ERAP1: variants seen among roughly 807,000 people sequenced by gnomAD.
The protein encoded by ERAP1 is endoplasmic reticulum aminopeptidase 1, also known as adipocyte-derived leucine aminopeptidase.
ERAP1 carries 86 observed loss-of-function variants against 103.7 expected under a neutral mutation model. The observed-to-expected ratio is 0.83, with a 90% CI of 0.70 to 0.99. The LOEUF (loss-of-function observed/expected upper bound fraction) is 0.99. Among genes scored for constraint, ERAP1 ranks in the 50% least tolerant of loss-of-function variants. ERAP1 has a pLI of 0.00. For missense variants in ERAP1, 1,009 were observed against 1,128.4 expected (o/e 0.89, Z 1.52); for synonymous variants, 398 against 402.4 (o/e 0.99, Z 0.13).
intron 19 of ERAP1, chr5:96,768,418 A>C (rs1254390774): frequency 2.2e-6 from 1 of 456,894 alleles, no homozygotes; most frequent in African/African-American, 2.0e-5. Context: ...GAATCAAACG[A>C]TGATATAGAG....
In ERAP1 at chr5:96,781,970, G is replaced by T. The variant is rs1438987127; in HGVS notation, c.2286-116C>A. On this transcript the variant is annotated intron_variant, in intron 15 of 18. Transcript: ENST00000443439. ...CCCCATGATCAGAGAAGCATGCCTG[G>T]AAATATAAACAAAAACTACTGATTT... The T allele has an allele frequency of 5.0e-6, 5 of 997,332 alleles. No individual in the cohort carries two copies. In the East Asian group the frequency reaches 1.0e-4, roughly 20 times the overall value. The allele number at this position is 997,332 out of a possible 1,614,324, so 61.8% of individuals were successfully genotyped here.
chr5:96,879,601 T>C, the ERAP1 span: 1 of 1,039,794 alleles, frequency 9.6e-7, no homozygotes, highest in East Asian at 2.4e-5. Flanking sequence ...TCAGACCCCA[T>C]GTGACATAAC....
chr5:96,785,774 G>A lies in ERAP1; in HGVS notation c.1943+14C>T, dbSNP rs374639900. The A allele has an allele frequency of 5.6e-6, 9 of 1,613,506 alleles. No individual in the cohort carries two copies. Among genetic ancestry groups the A allele is most frequent in the Non-Finnish European group, 7.6e-6 (9 of 1,179,554 alleles). On this transcript the variant is annotated intron_variant, in intron 13 of 18. Coordinates refer to ENST00000443439, the MANE Select transcript of ERAP1 (RefSeq NM_001040458.3). Reference sequence around the variant, plus strand: ...TTTCAGAAATAAACCGCGACTTTGTGCAGCGTGTATTACCTGACGAGCTGA... The same window carrying A: ...TTTCAGAAATAAACCGCGACTTTGTACAGCGTGTATTACCTGACGAGCTGA...
the ERAP1 span, among the ~76,000 whole-genome samples, chr5:96,926,802 T>C: frequency 1.3e-5 from 2 of 152,208 alleles, no homozygotes; most frequent in Non-Finnish European, 2.9e-5. Context: ...TGAACATTCA[T>C]CTACCATTTT....
At chr5:96,860,242 C>T in the ERAP1 span, among the ~76,000 whole-genome samples, 10 of 152,008 alleles carry the variant, frequency 6.6e-5, no homozygotes, top group African/African-American at 2.2e-4. Flanking sequence ...TTGGTACAGA[C>T]GGAGTTTCAC....
chr5:96,902,201 G>A, the ERAP1 span: 1 of 1,048,934 alleles, frequency 9.5e-7, no homozygotes, highest in Non-Finnish European at 1.5e-6. Flanking sequence ...TTTACAGTCT[G>A]TCTGAGTCTG....
the ERAP1 span, among the ~76,000 whole-genome samples, chr5:96,869,589 T>G: frequency 6.6e-6 from 1 of 151,814 alleles, no homozygotes; most frequent in East Asian, 1.9e-4. Context: ...GGCTTGGGGT[T>G]TTTTGCTGTA....
At chr5:96,760,962 T>C (rs1767741773) in exon 20 of ERAP1, 1 of 152,040 alleles carries the variant, frequency 6.6e-6, no homozygotes, top group Admixed American at 6.6e-5. Context: ...TTAATCCAAC[T>C]AAACACTAGC....
At chr5:96,824,815 A>G in the ERAP1 span, among the ~76,000 whole-genome samples, 1 of 152,204 alleles carries the variant, frequency 6.6e-6, no homozygotes, top group Non-Finnish European at 1.5e-5. Context: ...TTGGGAGGCC[A>G]AGGCAGGAGG....
the ERAP1 span, chr5:96,822,950 G>A: frequency 1.2e-5 from 5 of 429,710 alleles, no homozygotes; most frequent in African/African-American, 8.0e-5. Context: ...AGGCATGACT[G>A]GAGAGGGATC....
intron 13 of ERAP1, chr5:96,785,293 C>T (rs1423472145): frequency 5.5e-6 from 1 of 181,034 alleles, no homozygotes; most frequent in East Asian, 1.4e-4. Flanking sequence ...AAAGATGCTG[C>T]AAAGTTCAGG....
chr5:96,815,407 G>GTTTTTTTTTTT, the ERAP1 span, among the ~76,000 whole-genome samples: 6 of 105,450 alleles, frequency 5.7e-5, 1 homozygote, highest in South Asian at 2.8e-4. Flanking sequence ...TGTTTGTTTT[G>GTTTTTTTTTTT]TTTTTTATTT....
chr5:96,849,212 G>A, the ERAP1 span, among the ~76,000 whole-genome samples: 25 of 152,204 alleles, frequency 1.6e-4, no homozygotes, highest in Non-Finnish European at 3.1e-4. Context: ...TAAGGAACAA[G>A]ACAAGAATGC....
At chr5:96,773,681 A>T (rs1405525565), downstream of ERAP1, 1 of 152,190 alleles carries the variant, frequency 6.6e-6, no homozygotes, top group Non-Finnish European at 1.5e-5. Flanking sequence ...TACCACTTTG[A>T]ATGGTTTTCT....
upstream of ERAP1, among the ~76,000 whole-genome samples, chr5:96,810,303 C>G (rs1298122373): frequency 3.9e-5 from 6 of 152,166 alleles, no homozygotes; most frequent in African/African-American, 1.4e-4. Flanking sequence ...CAAAACAGCA[C>G]ATTACCGAGC....
chr5:96,902,386 A>G, the ERAP1 span: 16 of 1,349,214 alleles, frequency 1.2e-5, no homozygotes, highest in Non-Finnish European at 1.6e-5. Context: ...AGGTATTTCA[A>G]TGTGGAAATT....
At chr5:96,836,645 T>C in the ERAP1 span, among the ~76,000 whole-genome samples, 4 of 152,338 alleles carry the variant, frequency 2.6e-5, no homozygotes, top group Non-Finnish European at 5.9e-5. Flanking sequence ...AAAACAAAAC[T>C]CATTTCATCC....
In ERAP1 at chr5:96,775,207, A is replaced by G. The variant is rs574783101; in HGVS notation, c.*1189T>C. 3.4e-5 allele frequency: 34 copies of G among 985,542 alleles called. No individual in the cohort carries two copies. In the East Asian group the frequency reaches 5.6e-4, roughly 16 times the overall value. The allele number at this position is 985,542 out of a possible 1,614,324, so 61.0% of individuals were successfully genotyped here. ...ACTGTGCTTTCTATTATTATCATCT[A>G]TACATAAAACCTGAGCAGCAACTGT... On this transcript the variant is annotated 3_prime_UTR_variant, in exon 19 of 19. Transcript: ENST00000443439.
At chr5:96,876,456 TG>T in the ERAP1 span, 1 of 152,382 alleles carries the variant, frequency 6.6e-6, no homozygotes, top group African/African-American at 2.4e-5. Context: ...TGCAAAGTTC[TG>T]AATCTTAGAA....
Sources: allele counts gnomAD v4.1 joint callset (sites outside exome capture counted in the v4.1 genomes callset), GRCh38; gene constraint gnomAD v4.1.1; transcripts MANE v1.5; gene names NCBI Gene and HGNC (gene_info 2026-07-23, HGNC 2026-07-21).